Variants in SKAP1 observed in about 807,000 individuals in gnomAD.
The protein encoded by SKAP1 is src kinase associated phosphoprotein 1.
Under a neutral mutation model 58.5 loss-of-function variants are expected in SKAP1, and 44 were observed. The ratio of observed to expected loss-of-function variants is 0.75; its 90% CI spans 0.59 to 0.97. SKAP1 has a LOEUF of 0.97. Among genes scored for constraint, SKAP1 ranks in the 50% least tolerant of loss-of-function variants. SKAP1 has a pLI of 0.00. For missense variants in SKAP1, 390 were observed against 435.2 expected, an observed-to-expected ratio of 0.90 and a Z score of 0.92; for synonymous variants, 127 against 149.7, an observed-to-expected ratio of 0.85 and a Z score of 1.11.
intron 4 of SKAP1, among the ~76,000 whole-genome samples, chr17:48,274,776 A>G (rs1355378658): frequency 2.0e-5 from 3 of 152,074 alleles, no homozygotes; most frequent in Non-Finnish European, 4.4e-5. Flanking sequence ...TTCTGGCCTC[A>G]AGTGATTTTC....
chr17:48,220,852 C>CAAAAAAAAAAAAAAAAAAAAAAAAA (rs56006389), intron 4 of SKAP1, among the ~76,000 whole-genome samples: 4 of 83,630 alleles, frequency 4.8e-5, no homozygotes, highest in Admixed American at 1.6e-4. Flanking sequence ...GACTCCATCT[C>CAAAAAAAAAAAAAAAAAAAAAAAAA]AAAAAAAAAA....
the SKAP1 span, among the ~76,000 whole-genome samples, chr17:48,441,052 A>G: frequency 6.6e-6 from 1 of 152,210 alleles, no homozygotes; most frequent in South Asian, 2.1e-4. Context: ...GGCCGACTTC[A>G]GTTGCCAGTT....
intron 11 of SKAP1, among the ~76,000 whole-genome samples, chr17:48,147,193 G>A (rs576394450): frequency 2.0e-5 from 3 of 152,266 alleles, no homozygotes; most frequent in South Asian, 4.1e-4. Flanking sequence ...CAAGAGAACA[G>A]TCTATCAGCC....
At chr17:48,225,045 A>G (rs2065051612) in intron 4 of SKAP1, among the ~76,000 whole-genome samples, 1 of 152,226 alleles carries the variant, frequency 6.6e-6, no homozygotes, top group East Asian at 1.9e-4. Context: ...TTAAAATTTA[A>G]TAGAGAAGGG....
chr17:48,365,779 C>A (rs1254276362), intron 2 of SKAP1, among the ~76,000 whole-genome samples: 1 of 139,634 alleles, frequency 7.2e-6, no homozygotes, highest in East Asian at 2.1e-4. Context: ...TGCGTCGGAG[C>A]TTTTTTTTTT....
chr17:48,335,932 C>T (rs758458802), intron 4 of SKAP1, among the ~76,000 whole-genome samples: 6 of 152,070 alleles, frequency 3.9e-5, no homozygotes, highest in East Asian at 1.9e-4. Flanking sequence ...CGTATGCGTA[C>T]GCACAGATAC....
At chr17:48,217,927 C>G (rs2064960096) in intron 4 of SKAP1, among the ~76,000 whole-genome samples, 1 of 152,098 alleles carries the variant, frequency 6.6e-6, no homozygotes, top group Non-Finnish European at 1.5e-5. Context: ...CATAGGTGCA[C>G]CAATTACATT....
At chr17:48,261,856 A>G (rs1309870587) in intron 4 of SKAP1, among the ~76,000 whole-genome samples, 1 of 125,252 alleles carries the variant, frequency 8.0e-6, no homozygotes, top group Non-Finnish European at 1.7e-5. Flanking sequence ...AGAATATTGA[A>G]AAAGTTCTGT....
chr17:48,400,745 C>G (rs1048285840), intron 1 of SKAP1, among the ~76,000 whole-genome samples: 1 of 150,736 alleles, frequency 6.6e-6, no homozygotes, highest in Admixed American at 6.6e-5. Flanking sequence ...AAGACCTTAT[C>G]TCAAAAATAA....
At chr17:48,363,163 T>G (rs1297890890) in intron 3 of SKAP1, among the ~76,000 whole-genome samples, 1 of 152,220 alleles carries the variant, frequency 6.6e-6, no homozygotes, top group Admixed American at 6.5e-5. Context: ...TTTTTTAATT[T>G]TGCACACAGC....
intron 9 of SKAP1, among the ~76,000 whole-genome samples, chr17:48,177,336 C>CA (rs1490362534): frequency 5.3e-5 from 8 of 152,310 alleles, no homozygotes; most frequent in African/African-American, 1.9e-4. Context: ...ACTGAGTACT[C>CA]ACTGTATGCC....
At chr17:48,313,299 T>C (rs1913420278) in intron 4 of SKAP1, among the ~76,000 whole-genome samples, 1 of 152,120 alleles carries the variant, frequency 6.6e-6, no homozygotes, top group Admixed American at 6.5e-5. Context: ...GAGTTAAAGA[T>C]ATATAATCAT....
intron 4 of SKAP1, among the ~76,000 whole-genome samples, chr17:48,323,974 A>T (rs983092772): frequency 1.3e-4 from 20 of 152,078 alleles, no homozygotes; most frequent in African/African-American, 4.6e-4. Flanking sequence ...GTTATTGTGG[A>T]TTCTCATGTA....
chr17:48,208,832 C>T (rs2064838346), intron 4 of SKAP1, among the ~76,000 whole-genome samples: 1 of 152,146 alleles, frequency 6.6e-6, no homozygotes, highest in Non-Finnish European at 1.5e-5. Flanking sequence ...TTCCTTTAAT[C>T]CTATTTAGCA....
At position 48,254,467 on chromosome 17, in the gene SKAP1, AT is replaced by A. The variant is rs201989766; in HGVS notation, c.281-64968del. 2.6e-5 allele frequency among the ~76,000 whole-genome samples: 4 copies of A among 152,240 alleles called. No homozygotes were observed. The East Asian group carries it at 7.7e-4, about 29-fold the overall frequency. On this transcript the variant is annotated intron_variant, in intron 4 of 12. Coordinates refer to ENST00000336915, the MANE Select transcript of SKAP1 (RefSeq NM_003726.4). Reference sequence around the variant, plus strand: ...TTCTTGATACATAGTATAAGCAATCATGTCTGCATGGGCAATAAAGTATAAA... The same window carrying A: ...TTCTTGATACATAGTATAAGCAATCAGTCTGCATGGGCAATAAAGTATAAA...
chr17:48,264,395 C>T (rs2065519371), intron 4 of SKAP1, among the ~76,000 whole-genome samples: 1 of 152,098 alleles, frequency 6.6e-6, no homozygotes. Context: ...GTTTAATTCC[C>T]AGGCCACATT....
At chr17:48,204,685 A>T (rs2143632273) in intron 4 of SKAP1, among the ~76,000 whole-genome samples, 1 of 152,290 alleles carries the variant, frequency 6.6e-6, no homozygotes, top group South Asian at 2.1e-4. Context: ...TTACCAGAGA[A>T]GAGACAGGTA....
intron 1 of SKAP1, among the ~76,000 whole-genome samples, chr17:48,404,182 G>A (rs898547947): frequency 6.6e-6 from 1 of 151,958 alleles, no homozygotes; most frequent in Non-Finnish European, 1.5e-5. Context: ...GCTGGGTGAG[G>A]TGGCTGACAC....
intron 4 of SKAP1, among the ~76,000 whole-genome samples, chr17:48,246,576 G>A (rs2065299587): frequency 6.6e-6 from 1 of 152,188 alleles, no homozygotes; most frequent in Admixed American, 6.5e-5. Context: ...AGAGCTGGAA[G>A]AGCTTTAGAG....
Sources: gnomAD v4.1 joint callset for allele counts (sites outside exome capture counted in the v4.1 genomes callset) on GRCh38, gnomAD v4.1.1 for gene constraint, MANE v1.5 for transcripts, NCBI Gene and HGNC (gene_info 2026-07-23, HGNC 2026-07-21) for gene names.